CTNNA2: variants seen among roughly 807,000 people sequenced by gnomAD.
The protein encoded by CTNNA2 is catenin alpha-2.
A neutral mutation model predicts 101.0 loss-of-function variants in CTNNA2; 42 were observed. That is an observed-to-expected ratio of 0.42 (90% CI 0.32 to 0.54). The LOEUF is 0.54. Among genes scored for constraint, CTNNA2 ranks in the 20% least tolerant of loss-of-function variants. CTNNA2 has a pLI of 0.14. For missense variants in CTNNA2, 871 were observed against 1,223.1 expected, an observed-to-expected ratio of 0.71 and a Z score of 4.29; for synonymous variants, 450 against 456.4, an observed-to-expected ratio of 0.99 and a Z score of 0.18.
At chr2:80,103,967 C>G (rs1464151638) in intron 7 of CTNNA2, among the ~76,000 whole-genome samples, 1 of 152,202 alleles carries the variant, frequency 6.6e-6, no homozygotes, top group Non-Finnish European at 1.5e-5. Flanking sequence ...CTCCTGACCT[C>G]AGGTGATCCA....
At chr2:80,573,480 C>T (rs997143963) in intron 12 of CTNNA2, 1 of 152,100 alleles carries the variant, frequency 6.6e-6, no homozygotes, top group African/African-American at 2.4e-5. Context: ...TGAAATGTCC[C>T]GTGTCTGTCT....
At chr2:80,317,689 C>G (rs1401598193) in intron 7 of CTNNA2, among the ~76,000 whole-genome samples, 1 of 152,162 alleles carries the variant, frequency 6.6e-6, no homozygotes, top group Non-Finnish European at 1.5e-5. Flanking sequence ...AAGAACAGAA[C>G]AGAATACCGA....
intron 7 of CTNNA2, among the ~76,000 whole-genome samples, chr2:80,252,290 G>A (rs1671826261): frequency 6.6e-6 from 1 of 152,156 alleles, no homozygotes; most frequent in African/African-American, 2.4e-5. Context: ...ACTCTGAGGA[G>A]GGCTTAGAAT....
At chr2:80,542,366 T>C (rs1691649107) in intron 9 of CTNNA2, among the ~76,000 whole-genome samples, 1 of 152,132 alleles carries the variant, frequency 6.6e-6, no homozygotes, top group Non-Finnish European at 1.5e-5. Context: ...TGTACTTTTA[T>C]TTTACATGTT....
chr2:79,258,502 T>G (rs1004589710), intron 2 of CTNNA2, among the ~76,000 whole-genome samples: 9 of 152,194 alleles, frequency 5.9e-5, no homozygotes, highest in Admixed American at 3.9e-4. Flanking sequence ...GATGCTTCTA[T>G]CTGTATGTCC....
At chr2:79,348,574 T>A (rs899447992) in intron 3 of CTNNA2, among the ~76,000 whole-genome samples, 1 of 152,214 alleles carries the variant, frequency 6.6e-6, no homozygotes, top group Non-Finnish European at 1.5e-5. Flanking sequence ...CTCTCAGAGT[T>A]TCAAATATCT....
chr2:79,285,296 C>A (rs1256281156), intron 2 of CTNNA2, among the ~76,000 whole-genome samples: 1 of 150,338 alleles, frequency 6.7e-6, no homozygotes, highest in African/African-American at 2.4e-5. Context: ...CTTCTGCTAG[C>A]TTTTGAATGT....
At chr2:79,229,523 AT>A (rs1674463812) in intron 2 of CTNNA2, among the ~76,000 whole-genome samples, 1 of 152,160 alleles carries the variant, frequency 6.6e-6, no homozygotes, top group Non-Finnish European at 1.5e-5. Context: ...TGTAAGTCCA[AT>A]TAAACCTTTT....
At chr2:79,648,373 T>C (rs1229876838) in intron 1 of CTNNA2, among the ~76,000 whole-genome samples, 1 of 152,234 alleles carries the variant, frequency 6.6e-6, no homozygotes, top group East Asian at 1.9e-4. Flanking sequence ...TGAGTGATTC[T>C]AGAAGACTAT....
chr2:79,234,671 T>A (rs1674534382), intron 2 of CTNNA2, among the ~76,000 whole-genome samples: 1 of 152,182 alleles, frequency 6.6e-6, no homozygotes, highest in Non-Finnish European at 1.5e-5. Flanking sequence ...TGCCCATGAG[T>A]TGTAGATTTA....
At chr2:79,575,889 C>G (rs1016033603) in intron 1 of CTNNA2, among the ~76,000 whole-genome samples, 2 of 152,150 alleles carry the variant, frequency 1.3e-5, no homozygotes, top group African/African-American at 4.8e-5. Flanking sequence ...AGTTACTAAA[C>G]CTTATTGAAC....
chr2:79,894,063 T>TTCTTCCTCCTCC (rs772035711), intron 6 of CTNNA2, among the ~76,000 whole-genome samples: 7 of 61,370 alleles, frequency 1.1e-4, no homozygotes, highest in African/African-American at 3.7e-4. Context: ...CTTCTTCTTC[T>TTCTTCCTCCTCC]TCCTCCTCCT....
chr2:79,253,996 AAG>A (rs1558588067), intron 2 of CTNNA2, among the ~76,000 whole-genome samples: 1 of 152,170 alleles, frequency 6.6e-6, no homozygotes, highest in African/African-American at 2.4e-5. Context: ...GATTATCTCA[AAG>A]AGGAACTTTC....
chr2:79,768,298 G>A (rs1673307994), intron 3 of CTNNA2, among the ~76,000 whole-genome samples: 1 of 151,250 alleles, frequency 6.6e-6, no homozygotes, highest in Admixed American at 6.6e-5. Context: ...TGTGCCTGAA[G>A]AGAAAAGTCT....
intron 7 of CTNNA2, among the ~76,000 whole-genome samples, chr2:80,227,399 A>G (rs541133129): frequency 3.3e-5 from 5 of 152,316 alleles, no homozygotes; most frequent in African/African-American, 1.2e-4. Context: ...TTTATAGATG[A>G]AGCACTGGAA....
chr2:79,967,705 A>G (rs2104558303), intron 7 of CTNNA2, among the ~76,000 whole-genome samples: 1 of 152,342 alleles, frequency 6.6e-6, no homozygotes. Flanking sequence ...TAGCCCAGCA[A>G]GTCCACTCCT....
intron 1 of CTNNA2, among the ~76,000 whole-genome samples, chr2:79,646,330 G>A (rs1398514021): frequency 6.6e-6 from 1 of 152,094 alleles, no homozygotes; most frequent in Non-Finnish European, 1.5e-5. Context: ...CTTCACAGAG[G>A]AGCCCATTTT....
chr2:79,833,423 T>C (rs1679077232), intron 3 of CTNNA2, among the ~76,000 whole-genome samples: 1 of 152,214 alleles, frequency 6.6e-6, no homozygotes, highest in Non-Finnish European at 1.5e-5. Flanking sequence ...TCAAAAGTAA[T>C]GCTTTCAGCA....
chr2:80,239,866 C>T (rs59968148), intron 7 of CTNNA2, among the ~76,000 whole-genome samples: 3,198 of 151,714 alleles, frequency 0.021, 101 homozygotes, highest in African/African-American at 0.064. Flanking sequence ...GAGCCGAGAT[C>T]GCTCCATTGC....
Sources: gnomAD v4.1 joint callset for allele counts (sites outside exome capture counted in the v4.1 genomes callset) on GRCh38, gnomAD v4.1.1 for gene constraint, MANE v1.5 for transcripts, NCBI Gene and HGNC (gene_info 2026-07-23, HGNC 2026-07-21) for gene names.